Variants in PCDHA3 observed in about 807,000 individuals in gnomAD.
PCDHA3 encodes the protein protocadherin alpha-3.
In PCDHA3, 41 loss-of-function variants were observed where a neutral mutation model predicts 62.2. The ratio of observed to expected loss-of-function variants is 0.66; its 90% CI spans 0.51 to 0.86. The LOEUF is 0.86. Ranked by LOEUF, PCDHA3 falls within the 40% of genes least tolerant of loss-of-function variation. The probability of loss-of-function intolerance (pLI) is 0.00; values close to 1 mark genes in which losing one functional copy is unlikely to be tolerated. For synonymous variants in PCDHA3, 640 were observed against 555.4 expected, an observed-to-expected ratio of 1.15 and a Z score of -2.14; for missense variants, 1,304 against 1,241.2, an observed-to-expected ratio of 1.05 and a Z score of -0.76.
Position 140,828,362 on chromosome 5 carries a change from G to C in PCDHA3, c.2394+24771G>C, listed in dbSNP as rs1341252383. The C allele has an allele frequency of 3.7e-6, 6 of 1,614,228 alleles. No individual in the cohort carries two copies. Among genetic ancestry groups the C allele is most frequent in the East Asian group, 4.5e-5 (2 of 44,886 alleles). On this transcript the variant is annotated intron_variant, in intron 1 of 3. Coordinates refer to ENST00000522353, the MANE Select transcript of PCDHA3 (RefSeq NM_018906.3). ...CATTTTGTTTGTGAATTCTCGGATC[G>C]ACCGCGAGGAGCTGTGCGGGCGGAG...
At chr5:140,946,610 A>AT (rs2093970425) in intron 1 of PCDHA3, among the ~76,000 whole-genome samples, 1 of 119,932 alleles carries the variant, frequency 8.3e-6, no homozygotes, top group African/African-American at 3.4e-5. Flanking sequence ...AGAAAATGTG[A>AT]AATATATATA....
intron 1 of PCDHA3, among the ~76,000 whole-genome samples, chr5:140,956,034 A>C (rs1274584028): frequency 1.3e-5 from 2 of 152,200 alleles, no homozygotes; most frequent in Non-Finnish European, 2.9e-5. Flanking sequence ...TTATCAGCTT[A>C]AGAAGCTTTT....
At chr5:140,817,217 C>T (rs1766091196) in intron 1 of PCDHA3, 1 of 152,288 alleles carries the variant, frequency 6.6e-6, no homozygotes, top group Admixed American at 6.5e-5. Flanking sequence ...TTTACTTTCT[C>T]TTTCCCTTCT....
intron 1 of PCDHA3, chr5:140,824,610 G>GTTTTTTTTTTTTTTTTTTTTTTTTTTTT (rs782443702): frequency 2.1e-5 from 2 of 95,102 alleles, no homozygotes; most frequent in Non-Finnish European, 3.8e-5. Flanking sequence ...GCTAATTAAA[G>GTTTTTTTTTTTTTTTTTTTTTTTTTTTT]TTTTTTTTTT....
intron 1 of PCDHA3, among the ~76,000 whole-genome samples, chr5:140,916,482 G>C (rs2077584456): frequency 6.6e-6 from 1 of 152,194 alleles, no homozygotes; most frequent in African/African-American, 2.4e-5. Context: ...GTGCCCAAGG[G>C]CTCTTTAGTC....
chr5:140,941,207 C>CTTCCTTTCTTTCTT (rs1563185091), intron 1 of PCDHA3, among the ~76,000 whole-genome samples: 2 of 103,272 alleles, frequency 1.9e-5, no homozygotes, highest in African/African-American at 1.2e-4. Flanking sequence ...TTCTTCCTTT[C>CTTCCTTTCTTTCTT]TTTCTTCCTT....
chr5:140,817,299 A>C (rs1210324230), intron 1 of PCDHA3: 2 of 152,198 alleles, frequency 1.3e-5, no homozygotes, highest in Non-Finnish European at 2.9e-5. Context: ...GACTATAGGG[A>C]AAGTGCCCCA....
chr5:140,914,982 T>C (rs1411265179), intron 1 of PCDHA3, among the ~76,000 whole-genome samples: 1 of 149,996 alleles, frequency 6.7e-6, no homozygotes, highest in Non-Finnish European at 1.5e-5. Context: ...AGTCTTGCTC[T>C]GCTACCAGGC....
chr5:140,884,503 A>C (rs782488569), intron 1 of PCDHA3: 82 of 1,613,940 alleles, frequency 5.1e-5, no homozygotes, highest in Middle Eastern at 1.6e-4. Flanking sequence ...CCAGCGCGGC[A>C]GGGAGTTGGT....
At chr5:140,899,460 T>G (rs2153464035) in intron 1 of PCDHA3, among the ~76,000 whole-genome samples, 1 of 152,380 alleles carries the variant, frequency 6.6e-6, no homozygotes, top group East Asian at 1.9e-4. Context: ...ATGTGGTTTT[T>G]GTCTTTGGTT....
rs115173372 is a variant in PCDHA3, at chr5:140,808,625, T to G, written c.2394+5034T>G. On this transcript the variant is annotated intron_variant, in intron 1 of 3. Coordinates refer to ENST00000522353, the MANE Select transcript of PCDHA3 (RefSeq NM_018906.3). ...CTGCCACATCTTCACTGTGTCTGCG[T>G]GGGACGCGGACGCGCAGGAGAACGC... 8.5e-4 allele frequency: 1,376 copies of G among 1,613,658 alleles called. 16 individuals are homozygous for G. In the African/African-American group the frequency reaches 0.017, roughly 19 times the overall value.
In PCDHA3 at chr5:140,874,972, G is replaced by A. The variant is rs2055201149; in HGVS notation, c.2394+71381G>A. On this transcript the variant is annotated intron_variant, in intron 1 of 3. Coordinates refer to ENST00000522353, the MANE Select transcript of PCDHA3 (RefSeq NM_018906.3). ...TTGTAAGCTATATAAGGGGAGGGGT[G>A]CTGTATATTATTCTGTATATCATTT... 2.6e-5 allele frequency among the ~76,000 whole-genome samples: 4 copies of A among 152,186 alleles called. No homozygotes were observed. In the South Asian group the frequency reaches 6.2e-4, roughly 24 times the overall value.
chr5:140,877,590 G>A (rs996962116), intron 1 of PCDHA3: 20 of 1,613,708 alleles, frequency 1.2e-5, no homozygotes, highest in Admixed American at 1.7e-5. Flanking sequence ...CCATCTGTGC[G>A]GTGTCCAGCC....
intron 1 of PCDHA3, chr5:140,852,584 T>TTA (rs2042387314): frequency 1.2e-6 from 1 of 824,154 alleles, no homozygotes. Context: ...GCTTTTTTAT[T>TTA]TTTTTTTTTT....
chr5:140,979,292 C>T (rs1449910823), intron 2 of PCDHA3, among the ~76,000 whole-genome samples: 1 of 151,814 alleles, frequency 6.6e-6, no homozygotes, highest in African/African-American at 2.4e-5. Flanking sequence ...GTAATTTCAA[C>T]CTCCTTCATC....
intron 1 of PCDHA3, chr5:140,850,656 C>T: frequency 6.3e-7 from 1 of 1,598,598 alleles, no homozygotes; most frequent in Non-Finnish European, 8.6e-7. Context: ...GTACACTGTG[C>T]TGCGGTGCTC....
intron 1 of PCDHA3, chr5:140,862,764 G>A (rs375357178): frequency 5.0e-5 from 29 of 577,184 alleles, no homozygotes; most frequent in Middle Eastern, 5.6e-4. Flanking sequence ...GCGGCAAGAG[G>A]TACGCGTTGC....
intron 1 of PCDHA3, among the ~76,000 whole-genome samples, chr5:140,820,198 A>G (rs1000135835): frequency 7.9e-5 from 12 of 151,974 alleles, no homozygotes; most frequent in African/African-American, 2.9e-4. Context: ...TTTGTGTTTC[A>G]ACGATCCAAA....
intron 1 of PCDHA3, chr5:140,883,678 G>C: frequency 1.2e-6 from 2 of 1,613,902 alleles, no homozygotes; most frequent in Non-Finnish European, 1.7e-6. Context: ...ACAATCCGCC[G>C]GGCTGCCACA....
Sources: gnomAD v4.1 joint callset for allele counts (sites outside exome capture counted in the v4.1 genomes callset) on GRCh38, gnomAD v4.1.1 for gene constraint, MANE v1.5 for transcripts, NCBI Gene and HGNC (gene_info 2026-07-23, HGNC 2026-07-21) for gene names.